The following CCDC73 variants were observed in gnomAD, a reference collection of about 807,000 sequenced individuals.
The protein encoded by CCDC73 is coiled-coil domain-containing protein 73.
CCDC73 carries 95 observed loss-of-function variants against 116.5 expected under a neutral mutation model. The observed-to-expected ratio is 0.82, with a 90% CI of 0.69 to 0.97. The LOEUF is 0.97. Among genes scored for constraint, CCDC73 ranks in the 50% least tolerant of loss-of-function variants. The probability of loss-of-function intolerance (pLI) is 0.00; values close to 1 mark genes in which losing one functional copy is unlikely to be tolerated. For missense variants in CCDC73, 1,066 were observed against 1,206.8 expected (o/e 0.88, Z 1.73); for synonymous variants, 398 against 401.3 (o/e 0.99, Z 0.10).
intron 12 of CCDC73, among the ~76,000 whole-genome samples, chr11:32,647,087 C>T (rs533427442): frequency 1.3e-5 from 2 of 152,038 alleles, no homozygotes; most frequent in Non-Finnish European, 2.9e-5. Flanking sequence ...ATATTGGAGG[C>T]TGTATTAGGT....
intron 12 of CCDC73, among the ~76,000 whole-genome samples, chr11:32,651,210 C>G (rs1855823454): frequency 2.0e-5 from 3 of 152,144 alleles, no homozygotes; most frequent in Admixed American, 2.0e-4. Flanking sequence ...ATGGGTGACT[C>G]TCAAGGGACT....
chr11:32,748,997 G>T (rs1257254241), intron 2 of CCDC73, among the ~76,000 whole-genome samples: 2 of 152,142 alleles, frequency 1.3e-5, no homozygotes, highest in African/African-American at 4.8e-5. Flanking sequence ...TTGGGAGTGT[G>T]ATTATTAAAT....
chr11:32,709,459 G>A (rs12291223), intron 3 of CCDC73, among the ~76,000 whole-genome samples: 1,568 of 152,182 alleles, frequency 0.01, 26 homozygotes, highest in African/African-American at 0.036. Context: ...ACCAAGCCTG[G>A]CTAATTGTTG....
chr11:32,782,150 C>T (rs1850590016), intron 1 of CCDC73, among the ~76,000 whole-genome samples: 1 of 152,194 alleles, frequency 6.6e-6, no homozygotes, highest in Non-Finnish European at 1.5e-5. Context: ...GATGGGACAG[C>T]ATAGTTGCAG....
At chr11:32,735,623 T>C (rs1850121954) in intron 2 of CCDC73, among the ~76,000 whole-genome samples, 1 of 152,220 alleles carries the variant, frequency 6.6e-6, no homozygotes. Context: ...CCCATCAAGC[T>C]ACCAATGACT....
At chr11:32,830,434 A>AT in the CCDC73 span, 1 of 1,183,516 alleles carries the variant, frequency 8.4e-7, no homozygotes, top group Non-Finnish European at 1.1e-6. Flanking sequence ...CAGGTTGGTG[A>AT]TTCAGTTCGA....
chr11:32,675,532 T>G lies in CCDC73; in HGVS notation c.645+33A>C, dbSNP rs1856078445. 3 of 1,311,498 alleles carry G rather than the reference T, an allele frequency of 2.3e-6. No individual in the cohort carries two copies. In the East Asian group the frequency reaches 7.2e-5, roughly 31 times the overall value. The allele number at this position is 1,311,498 out of a possible 1,614,324, so 81.2% of individuals were successfully genotyped here. On this transcript the variant is annotated intron_variant, in intron 9 of 17. Transcript: ENST00000335185. ...ATAAGACTATTTTATATTATAATTT[T>G]TACTTAGTAGTGTGAAACTGTATCA...
rs1850586503 is a variant in CCDC73, at chr11:32,781,775, T to C, written c.-16+12838A>G. On this transcript the variant is annotated intron_variant, in intron 1 of 17. Transcript: ENST00000335185. ...CAGTCTTTCTTCTCCACAGCTCCAA[T>C]AGCTGCTAACAGCCAGATAGCTCTT... Among the ~76,000 whole-genome samples, 5 of 152,282 alleles carry C rather than the reference T, an allele frequency of 3.3e-5. No homozygotes were observed. In the South Asian group the frequency reaches 6.2e-4, roughly 19 times the overall value.
intron 1 of CCDC73, among the ~76,000 whole-genome samples, chr11:32,778,818 G>T (rs899912647): frequency 6.6e-6 from 1 of 151,956 alleles, no homozygotes; most frequent in Admixed American, 6.6e-5. Context: ...AAAAAAATCA[G>T]AGAAAACGGA....
intron 13 of CCDC73, among the ~76,000 whole-genome samples, chr11:32,641,008 T>C (rs1855728008): frequency 7.4e-6 from 1 of 135,898 alleles, no homozygotes; most frequent in Non-Finnish European, 1.6e-5. Flanking sequence ...AGAGTGAGAC[T>C]CTGTCCCCCA....
chr11:32,660,289 G>A (rs1590575395), intron 9 of CCDC73, among the ~76,000 whole-genome samples: 4 of 128,178 alleles, frequency 3.1e-5, no homozygotes, highest in Admixed American at 1.7e-4. Flanking sequence ...TTCAAATCAC[G>A]CCCTGAGAAG....
rs186425622 is a variant in CCDC73 at position 32,746,754 on chromosome 11, C to T, written c.135+13355G>A. Among the ~76,000 whole-genome samples the T allele has an allele frequency of 1.2e-3, 188 of 152,232 alleles. 1 individual carries two copies. Among genetic ancestry groups the T allele is most frequent in the African/African-American group, 4.4e-3 (183 of 41,534 alleles). On this transcript the variant is annotated intron_variant, in intron 2 of 17. Transcript: ENST00000335185. ...GCTTGTGTATGCTTCACGAAGTTCT[C>T]GTACTGTAGTTTTCAGCTCCATCAG... is the stretch of plus-strand genomic sequence containing the variant.
chr11:32,820,936 C>G, the CCDC73 span, among the ~76,000 whole-genome samples: 5 of 151,884 alleles, frequency 3.3e-5, no homozygotes, highest in Non-Finnish European at 7.4e-5. Flanking sequence ...CTTGCTGATT[C>G]GTTTCAGTAC....
chr11:32,780,929 T>A (rs1436793310), intron 1 of CCDC73, among the ~76,000 whole-genome samples: 3 of 152,068 alleles, frequency 2.0e-5, no homozygotes, highest in Non-Finnish European at 4.4e-5. Flanking sequence ...CTCTCAAAAG[T>A]TTGTGCCCAG....
At position 32,723,096 on chromosome 11, in the gene CCDC73, T is replaced by C. The variant is rs149268423; in HGVS notation, c.136-4949A>G. Among the ~76,000 whole-genome samples, 804 of 152,300 alleles carry C rather than the reference T, an allele frequency of 5.3e-3. 9 individuals are homozygous for C. Among genetic ancestry groups the C allele is most frequent in the African/African-American group, 0.018 (749 of 41,566 alleles). On this transcript the variant is annotated intron_variant, in intron 2 of 17. Coordinates refer to ENST00000335185, the MANE Select transcript of CCDC73 (RefSeq NM_001008391.4). The stretch of plus-strand genomic sequence containing the variant: ...TTCAAAAACTTCAGAAGTTAATCTT[T>C]ATATCCCCTCAAATTTAGGAAACCA...
chr11:32,665,585 A>C (rs980095749), intron 9 of CCDC73, among the ~76,000 whole-genome samples: 1 of 152,164 alleles, frequency 6.6e-6, no homozygotes, highest in Admixed American at 6.6e-5. Context: ...TGAATACTGC[A>C]CACTGATGGG....
At position 32,701,297 on chromosome 11, in the gene CCDC73, T is replaced by C. The variant is rs1438407780; in HGVS notation, c.280-471A>G. ...CACAGCTTATATCATTTTCCAAAGG[T>C]ACAATTTCGTAAATCAGAATCATTT... On this transcript the variant is annotated intron_variant, in intron 4 of 17. Coordinates refer to ENST00000335185, the MANE Select transcript of CCDC73 (RefSeq NM_001008391.4). 2.0e-5 allele frequency among the ~76,000 whole-genome samples: 3 copies of C among 152,344 alleles called. 1 individual carries two copies. The East Asian group carries it at 5.8e-4, about 29-fold the overall frequency.
chr11:32,698,276 G>A (rs1849775822), intron 6 of CCDC73, among the ~76,000 whole-genome samples: 2 of 151,572 alleles, frequency 1.3e-5, no homozygotes, highest in South Asian at 2.1e-4. Flanking sequence ...CACCCGCCTC[G>A]GCCTCCCAAA....
At chr11:32,829,014 C>T in the CCDC73 span, among the ~76,000 whole-genome samples, 1 of 152,120 alleles carries the variant, frequency 6.6e-6, no homozygotes, top group African/African-American at 2.4e-5. Flanking sequence ...TGGTGGACAC[C>T]TGTAGTCCCA....
Sources: allele counts gnomAD v4.1 joint callset (sites outside exome capture counted in the v4.1 genomes callset), GRCh38; gene constraint gnomAD v4.1.1; transcripts MANE v1.5; gene names NCBI Gene and HGNC (gene_info 2026-07-23, HGNC 2026-07-21).